Variants in SPEN observed in about 807,000 individuals in gnomAD.
The protein encoded by SPEN is spen family transcriptional repressor.
A neutral mutation model predicts 269.9 loss-of-function variants in SPEN; 18 were observed. That is an observed-to-expected ratio of 0.07 (90% confidence interval 0.05 to 0.10). The LOEUF (loss-of-function observed/expected upper bound fraction) is 0.10. Ranked by LOEUF, SPEN falls within the 10% of genes least tolerant of loss-of-function variation. SPEN has a pLI of 1.00. For synonymous variants in SPEN, 1,726 were observed against 1,765.7 expected (o/e 0.98, Z 0.56); for missense variants, 3,822 against 4,631.2 (o/e 0.83, Z 5.07).
chr1:15,932,272 C>T lies in SPEN; in HGVS notation c.6032C>T (p.Pro2011Leu). Residue 2011 changes from proline to leucine, a missense_variant, in exon 11 of 15, where the codon CCT (proline) becomes CTT (leucine). Coordinates refer to ENST00000375759, the MANE Select transcript of SPEN (RefSeq NM_015001.3). This position sits in a 1 kb window ranked among gnomAD's most constrained non-coding sequence, Gnocchi z 4.2. ...GAACCGAAGGTGGATGCTACACGTC[C>T]TGAGGCCACCACTGAGGTGGGCCCC... ...KNEPKVDATRPEATTEVGPQI... is the reference protein window; with the variant it reads ...KNEPKVDATRLEATTEVGPQI... 3 of 1,609,322 alleles carry T rather than the reference C, an allele frequency of 1.9e-6. No individual in the cohort carries two copies. Among genetic ancestry groups the T allele is most frequent in the Middle Eastern group, 1.7e-4 (1 of 6,028 alleles).
chr1:15,897,647 C>T (rs1474546466), intron 3 of SPEN, among the ~76,000 whole-genome samples: 1 of 152,058 alleles, frequency 6.6e-6, no homozygotes, highest in Non-Finnish European at 1.5e-5. Context: ...CAGGCGTGGG[C>T]CACCACGCCT....
At chr1:15,938,985 A>C (rs1279157307) in intron 14 of SPEN, 109 bp downstream of exon 14, 2 of 1,406,440 alleles carry the variant, frequency 1.4e-6, no homozygotes, top group Non-Finnish European at 1.9e-6. Context: ...AGAGGTGGGC[A>C]AAGGGGCATT....
At chr1:15,865,318 G>T (rs1339737860) in intron 1 of SPEN, among the ~76,000 whole-genome samples, 1 of 151,668 alleles carries the variant, frequency 6.6e-6, no homozygotes, top group Non-Finnish European at 1.5e-5. Context: ...CTCCCAGAGT[G>T]CTAGGATTAC....
Position 15,937,082 on chromosome 1 carries a change from G to C in SPEN, c.10027-81G>C. Reference sequence around the variant, plus strand: ...TGCCACATCTTATCCTTTCCCTGTGGCCCTTTGGGTCATTTGTTGGTCTCA... The same window carrying C: ...TGCCACATCTTATCCTTTCCCTGTGCCCCTTTGGGTCATTTGTTGGTCTCA... On this transcript the variant is annotated intron_variant, in intron 11 of 14. Transcript: ENST00000375759. The surrounding 1 kb of genome is among the most constrained non-coding windows in gnomAD (Gnocchi z 5.7). 1 of 1,530,854 alleles carries C rather than the reference G, an allele frequency of 6.5e-7. No individual in the cohort carries two copies. The highest frequency in any genetic ancestry group is 2.0e-5 in the Admixed American group (1 of 51,070). 94.8% of individuals were successfully genotyped at this position (1,530,854 alleles called of 1,614,324 possible). A position where few individuals can be genotyped will look rare whatever the true frequency, so the allele number is the denominator to read the frequency against.
intron 1 of SPEN, among the ~76,000 whole-genome samples, chr1:15,868,133 C>A (rs2070533159): frequency 6.6e-6 from 1 of 151,088 alleles, no homozygotes; most frequent in East Asian, 1.9e-4. Flanking sequence ...GCATCCGGCC[C>A]CAGCTAATTA....
Position 15,937,823 on chromosome 1 carries a change from C to T in SPEN, c.10521C>T (p.Ile3507=), listed in dbSNP as rs762228676. Residue 3507 remains isoleucine, a synonymous_variant, in exon 13 of 15, where the codon ATC becomes ATT. Coordinates refer to ENST00000375759, the MANE Select transcript of SPEN (RefSeq NM_015001.3). This position sits in a 1 kb window ranked among gnomAD's most constrained non-coding sequence, Gnocchi z 5.7. The stretch of plus-strand genomic sequence containing the variant: ...TTCCCTGTGAGCAGAAGTACCCCAT[C>T]GTGTGGCAGGGCCTGCTGGCCCTCA... The part of the protein sequence containing the change: ...DMVQLLKKYP[I]VWQGLLALKN... 10 of 1,613,976 alleles carry T rather than the reference C, an allele frequency of 6.2e-6. No homozygotes were observed. Among genetic ancestry groups the T allele is most frequent in the African/African-American group, 4.0e-5 (3 of 74,926 alleles).
rs781772252 is a variant in SPEN, at chr1:15,933,812, C to T, written c.7572C>T (p.Ala2524=). 3 of 1,613,258 alleles carry T rather than the reference C, an allele frequency of 1.9e-6. No individual in the cohort carries two copies. Among genetic ancestry groups the T allele is most frequent in the African/African-American group, 2.7e-5 (2 of 74,920 alleles). Residue 2524 remains alanine (A), a synonymous_variant, in exon 11 of 15, where the codon GCC becomes GCT. Coordinates refer to ENST00000375759, the MANE Select transcript of SPEN (RefSeq NM_015001.3). The surrounding 1 kb of genome is among the most constrained non-coding windows in gnomAD (Gnocchi z 5.7). ...CAGCTCTTCCCCCAGACACAAAGGC[C>T]TCTGATGTTGACACCAGCTCCAGCA... ...PSPALPPDTK[A]SDVDTSSSTL...
intron 3 of SPEN, among the ~76,000 whole-genome samples, chr1:15,892,137 C>T (rs953180662): frequency 6.7e-6 from 1 of 150,068 alleles, no homozygotes; most frequent in Non-Finnish European, 1.5e-5. Context: ...TCTCCTGCCT[C>T]AGCCTCCCGA....
At chr1:15,919,113 G>A in intron 7 of SPEN, 62 bp downstream of exon 7, 1 of 1,507,438 alleles carries the variant, frequency 6.6e-7, no homozygotes, top group Non-Finnish European at 9.0e-7. Flanking sequence ...AAGACTTGAA[G>A]GGTTTTTTTT....
rs745945903 is a variant in SPEN, at chr1:15,935,721, C to T, written c.9481C>T (p.His3161Tyr). ...ASQHPPEEEV[H>Y]YHLPVARATA... ...CCAGCACCCTCCCGAGGAGGAAGTGCATTATCACCTTCCTGTCGCTCGAGC... is the reference window on the plus strand; with the variant it reads ...CCAGCACCCTCCCGAGGAGGAAGTGTATTATCACCTTCCTGTCGCTCGAGC... Residue 3161 changes from histidine (H) to tyrosine (Y), a missense_variant, in exon 11 of 15, where the codon CAT becomes TAT. By Grantham distance (83) the His-to-Tyr change is moderately conservative (BLOSUM62 2). Coordinates refer to ENST00000375759, the MANE Select transcript of SPEN (RefSeq NM_015001.3). This position sits in a 1 kb window ranked among gnomAD's most constrained non-coding sequence, Gnocchi z 7.7. 1 of 1,613,354 alleles carries T rather than the reference C, an allele frequency of 6.2e-7. No individual in the cohort carries two copies. The highest frequency in any genetic ancestry group is 8.5e-7 in the Non-Finnish European group (1 of 1,179,650).
At chr1:15,875,279 G>C (rs1030743362) in intron 2 of SPEN, among the ~76,000 whole-genome samples, 3 of 27,254 alleles carry the variant, frequency 1.1e-4, no homozygotes, top group Non-Finnish European at 2.4e-4. Flanking sequence ...CTAAATGATT[G>C]TTTAAGTTAA....
At chr1:15,860,756 G>A (rs1011796203) in intron 1 of SPEN, among the ~76,000 whole-genome samples, 4 of 150,510 alleles carry the variant, frequency 2.7e-5, no homozygotes, top group Non-Finnish European at 5.9e-5. Flanking sequence ...CACATGCCAC[G>A]ATGCCTGGCT....
chr1:15,890,801 A>G (rs927692870), intron 3 of SPEN, among the ~76,000 whole-genome samples: 1 of 152,118 alleles, frequency 6.6e-6, no homozygotes, highest in African/African-American at 2.4e-5. Flanking sequence ...CCCCCAGCCC[A>G]AGGCAACTGC....
intron 3 of SPEN, among the ~76,000 whole-genome samples, chr1:15,889,379 C>T (rs1020436944): frequency 1.3e-5 from 2 of 151,568 alleles, no homozygotes; most frequent in Non-Finnish European, 2.9e-5. Context: ...TTGGTCAGAC[C>T]GGTGTCAAAC....
At chr1:15,920,816 C>T in intron 8 of SPEN, 54 bp from the exon 9 acceptor site, 1 of 948,310 alleles carries the variant, frequency 1.1e-6, no homozygotes, top group Non-Finnish European at 1.6e-6. Context: ...TTGGGACTGA[C>T]ACTAAGTCCA....
Position 15,929,563 on chromosome 1 carries a change from C to T in SPEN, c.3323C>T (p.Pro1108Leu), listed in dbSNP as rs1300674129. ...NQEVQSKKPI[P>L]SKPQLKQLQV... Reference sequence around the variant, plus strand: ...GAAGTCCAATCAAAAAAGCCCATTCCCTCAAAACCACAGCTCAAACAGCTG... The same window carrying T: ...GAAGTCCAATCAAAAAAGCCCATTCTCTCAAAACCACAGCTCAAACAGCTG... The change falls in exon 11 of 15, where the codon CCC becomes CTC. Residue 1108 changes from proline (P) to leucine (L), a missense_variant. Transcript: ENST00000375759. This position sits in a 1 kb window ranked among gnomAD's most constrained non-coding sequence, Gnocchi z 5.8. The T allele has an allele frequency of 6.2e-7, 1 of 1,613,972 alleles. No individual in the cohort carries two copies. The highest frequency in any genetic ancestry group is 8.5e-7 in the Non-Finnish European group (1 of 1,179,972).
intron 6 of SPEN, among the ~76,000 whole-genome samples, 175 bp from the exon 7 acceptor site, chr1:15,918,751 T>C (rs896235653): frequency 2.0e-5 from 3 of 152,230 alleles, no homozygotes; most frequent in African/African-American, 4.8e-5. Flanking sequence ...AAATGCTATA[T>C]GTTTTATAGC....
chr1:15,848,167 CCG>C lies in SPEN; in HGVS notation c.83+20_83+21del. 1 of 1,442,580 alleles carries C rather than the reference CCG, an allele frequency of 6.9e-7. No individual in the cohort carries two copies. The highest frequency in any genetic ancestry group is 1.3e-5 in the South Asian group (1 of 74,910). The allele number at this position is 1,442,580 out of a possible 1,614,324, so 89.4% of individuals were successfully genotyped here. A position where few individuals can be genotyped will look rare whatever the true frequency, so the allele number is the denominator to read the frequency against. On this transcript the variant is annotated intron_variant, in intron 1 of 14. Transcript: ENST00000375759. The surrounding 1 kb of genome is among the most constrained non-coding windows in gnomAD (Gnocchi z 5.1). ...TTTCAAACGGTGAGTGACACGAGGC[CCG>C]CGGCCGCGCTCGCTCCTCGGGCGCC...
intron 2 of SPEN, among the ~76,000 whole-genome samples, chr1:15,874,857 C>CA (rs1557739399): frequency 6.6e-6 from 1 of 151,830 alleles, no homozygotes; most frequent in East Asian, 1.9e-4. Context: ...ACAATAGCAG[C>CA]AAAAAAAGCT....
Sources: allele counts gnomAD v4.1 joint callset (sites outside exome capture counted in the v4.1 genomes callset), GRCh38; gene constraint gnomAD v4.1.1; non-coding constraint Gnocchi (gnomAD v3.1); transcripts MANE v1.5; gene names NCBI Gene and HGNC (gene_info 2026-07-23, HGNC 2026-07-21).